The following PARN variants were observed in gnomAD, a reference collection of about 807,000 sequenced individuals.
PARN encodes the protein poly(A)-specific ribonuclease PARN.
PARN carries 71 observed loss-of-function variants against 102.8 expected under a neutral mutation model. That is an observed-to-expected ratio of 0.69 (90% CI 0.57 to 0.84). The LOEUF is 0.84. Among genes scored for constraint, PARN ranks in the 40% least tolerant of loss-of-function variants. The probability of loss-of-function intolerance (pLI) is 0.00; values close to 1 mark genes in which losing one functional copy is unlikely to be tolerated. For synonymous variants in PARN, 261 were observed against 252.9 expected, an observed-to-expected ratio of 1.03 and a Z score of -0.30; for missense variants, 782 against 760.9, an observed-to-expected ratio of 1.03 and a Z score of -0.33.
intron 21 of PARN, among the ~76,000 whole-genome samples, chr16:14,490,640 C>T (rs913680535): frequency 6.6e-6 from 1 of 152,134 alleles, no homozygotes; most frequent in African/African-American, 2.4e-5. Flanking sequence ...TTTAAGATGG[C>T]CTCTCCTTAT....
chr16:14,565,312 A>G (rs1449429786), intron 18 of PARN, among the ~76,000 whole-genome samples: 1 of 152,078 alleles, frequency 6.6e-6, no homozygotes, highest in Non-Finnish European at 1.5e-5. Context: ...ACAGTTTTCA[A>G]TCTAGCCACT....
chr16:14,541,757 G>A (rs1336931668), intron 21 of PARN, among the ~76,000 whole-genome samples: 3 of 151,742 alleles, frequency 2.0e-5, no homozygotes, highest in Non-Finnish European at 4.4e-5. Context: ...AATTACAGGC[G>A]TGAGCCACTG....
intron 22 of PARN, among the ~76,000 whole-genome samples, chr16:14,463,927 A>G (rs1310495849): frequency 6.8e-6 from 1 of 147,856 alleles, no homozygotes; most frequent in African/African-American, 2.6e-5. Context: ...TGACCTCCCT[A>G]GGCTCAAGTG....
intron 23 of PARN, among the ~76,000 whole-genome samples, chr16:14,445,438 T>C (rs1961154815): frequency 6.6e-6 from 1 of 152,182 alleles, no homozygotes; most frequent in African/African-American, 2.4e-5. Flanking sequence ...TACTTTCCTT[T>C]GATTTGATTG....
At chr16:14,610,882 G>A in intron 6 of PARN, 73 bp from the exon 7 acceptor site, 1 of 970,666 alleles carries the variant, frequency 1.0e-6, no homozygotes, top group East Asian at 2.4e-5. Flanking sequence ...ACAAACCAAA[G>A]AGTCTAAATT....
intron 19 of PARN, 67 bp from the exon 20 acceptor site, chr16:14,554,218 G>A: frequency 9.5e-7 from 1 of 1,056,718 alleles, no homozygotes; most frequent in South Asian, 1.4e-5. Context: ...GTGACTCTTT[G>A]ATGAAACTAA....
intron 13 of PARN, 27 bp from the exon 14 acceptor site, chr16:14,586,388 C>A: frequency 7.1e-7 from 1 of 1,404,898 alleles, no homozygotes; most frequent in Non-Finnish European, 9.9e-7. Context: ...GGACTTGTTA[C>A]AATTTTCCTA....
In PARN at chr16:14,608,296, T is replaced by C; in HGVS notation, c.644A>G (p.Gln215Arg). Residue 215 changes from glutamine (Q) to arginine (R), a missense_variant, in exon 9 of 24, where the codon CAG (glutamine) becomes CGG (arginine). Transcript: ENST00000437198. ...CTGFQRKLIY[Q>R]TLSWKYPKGI... ...AAATACTTACTTCCAGCTCAAAGTC[T>C]GATAAATTAGTTTTCTTTGGAACCT... is the stretch of plus-strand genomic sequence containing the variant. 1.3e-6 allele frequency: 2 copies of C among 1,541,370 alleles called. No individual in the cohort carries two copies. Among genetic ancestry groups the C allele is most frequent in the Non-Finnish European group, 1.8e-6 (2 of 1,139,558 alleles).
At chr16:14,521,755 T>C (rs1289306340) in intron 21 of PARN, among the ~76,000 whole-genome samples, 2 of 151,614 alleles carry the variant, frequency 1.3e-5, no homozygotes, top group Non-Finnish European at 2.9e-5. Context: ...TAAACCAAGA[T>C]TGCGCCATTG....
chr16:14,622,883 C>T (rs965279943), intron 5 of PARN, among the ~76,000 whole-genome samples: 2 of 152,066 alleles, frequency 1.3e-5, no homozygotes, highest in African/African-American at 4.8e-5. Flanking sequence ...GTGGGCAGAT[C>T]GCTTGAGCCC....
chr16:14,447,090 C>A lies in PARN; in HGVS notation c.1671-9G>T. The A allele has an allele frequency of 6.3e-7, 1 of 1,598,204 alleles. No individual in the cohort carries two copies. The highest frequency in any genetic ancestry group is 1.8e-5 in the Admixed American group (1 of 57,062). On this transcript the variant is annotated splice_polypyrimidine_tract_variant and intron_variant, in intron 22 of 23. Transcript: ENST00000437198. ...TGCTGGGAGCTGTAAAACTGAAATGCAAAAAGTGGAACAACATAAAAGGTG... is the reference window on the plus strand; with the variant it reads ...TGCTGGGAGCTGTAAAACTGAAATGAAAAAAGTGGAACAACATAAAAGGTG...
chr16:14,550,227 C>A (rs1212442858), intron 21 of PARN, among the ~76,000 whole-genome samples: 1 of 150,800 alleles, frequency 6.6e-6, no homozygotes, highest in Non-Finnish European at 1.5e-5. Context: ...AACCATCTTT[C>A]TAAGGATAGT....
At chr16:14,519,455 C>T (rs1416374067) in intron 21 of PARN, among the ~76,000 whole-genome samples, 2 of 152,164 alleles carry the variant, frequency 1.3e-5, no homozygotes, top group African/African-American at 2.4e-5. Context: ...AGAATGAGGT[C>T]TCGAAATGCC....
At chr16:14,604,494 C>G (rs1022098507) in intron 10 of PARN, among the ~76,000 whole-genome samples, 1 of 152,146 alleles carries the variant, frequency 6.6e-6, no homozygotes. Context: ...CTCCCCACCT[C>G]AGGTGATCCA....
At position 14,628,218 on chromosome 16, in the gene PARN, G is replaced by A. The variant is rs1319466970; in HGVS notation, c.131C>T (p.Thr44Ile). ...CTCTTCTGGAGTGTCAAAACCATTT[G>A]TTAATGCAGAGACTGAAGGTCCATC... ...ISDGPSVSAL[T>I]NGFDTPEERY... is the part of the protein sequence containing the mutation. Residue 44 changes from threonine to isoleucine, a missense_variant, in exon 3 of 24, where the codon ACA becomes ATA. By Grantham distance (89) the Thr-to-Ile change is moderately conservative. Transcript: ENST00000437198. 6.2e-7 allele frequency: 1 copy of A among 1,606,882 alleles called. No homozygotes were observed.
At chr16:14,498,972 A>G (rs1367599010) in intron 21 of PARN, among the ~76,000 whole-genome samples, 1 of 152,210 alleles carries the variant, frequency 6.6e-6, no homozygotes, top group African/African-American at 2.4e-5. Context: ...AATGTCCCCA[A>G]ATGGTGGCGC....
chr16:14,470,579 T>A, intron 22 of PARN, among the ~76,000 whole-genome samples: 1 of 151,478 alleles, frequency 6.6e-6, no homozygotes, highest in Non-Finnish European at 1.5e-5. Context: ...CACCTCAGCC[T>A]CCCGCCACAG....
chr16:14,444,055 C>T (rs1000881617), intron 23 of PARN, among the ~76,000 whole-genome samples: 3 of 152,202 alleles, frequency 2.0e-5, no homozygotes, highest in Non-Finnish European at 4.4e-5. Flanking sequence ...TACTCTCACT[C>T]ATTATGGGAC....
rs1446076443 is a variant in PARN, at chr16:14,628,307, G to A, written c.98-56C>T. On this transcript the variant is annotated intron_variant, in intron 2 of 23. Coordinates refer to ENST00000437198, the MANE Select transcript of PARN (RefSeq NM_002582.4). Reference sequence around the variant, plus strand: ...TACTAATAAATACTAACGTAAAAATGCCAGTCAATCATTCAGTGCCTCTAT... The same window carrying A: ...TACTAATAAATACTAACGTAAAAATACCAGTCAATCATTCAGTGCCTCTAT... 4.1e-6 allele frequency: 4 copies of A among 973,240 alleles called. No individual in the cohort carries two copies. The Admixed American group carries it at 8.0e-5, about 19-fold the overall frequency. The allele number at this position is 973,240 out of a possible 1,614,324, so 60.3% of individuals were successfully genotyped here. A position where few individuals can be genotyped will look rare whatever the true frequency, so the allele number is the denominator to read the frequency against.
Sources: allele counts gnomAD v4.1 joint callset (sites outside exome capture counted in the v4.1 genomes callset), GRCh38; gene constraint gnomAD v4.1.1; transcripts MANE v1.5; gene names NCBI Gene and HGNC (gene_info 2026-07-23, HGNC 2026-07-21).